PCED1B: variants seen among roughly 807,000 people sequenced by gnomAD.
PCED1B encodes the protein PC-esterase domain-containing protein 1B.
For missense variants in PCED1B, 573 were observed against 573.9 expected (o/e 1.00, Z 0.02); for synonymous variants, 251 against 246.1 (o/e 1.02, Z -0.19).
At chr12:47,209,815 GTAAAAT>G (rs1943022422) in intron 2 of PCED1B, 1 of 152,192 alleles carries the variant, frequency 6.6e-6, no homozygotes, top group Non-Finnish European at 1.5e-5. Context: ...ATGAAGGGAA[GTAAAAT>G]TATAAGATCT....
chr12:47,086,107 A>G (rs533309859), intron 1 of PCED1B, among the ~76,000 whole-genome samples: 1 of 152,214 alleles, frequency 6.6e-6, no homozygotes, highest in Admixed American at 6.5e-5. Context: ...AATTAGGCAC[A>G]TAATAGACAT....
In PCED1B at chr12:47,119,488, A is replaced by C. The variant is rs539337222; in HGVS notation, c.-526+15293A>C. On this transcript the variant is annotated intron_variant, in intron 2 of 3. Coordinates refer to ENST00000546455, the MANE Select transcript of PCED1B (RefSeq NM_138371.3). ...AGATGAGAGGATTGCTTGAGCTCAG[A>C]AGTTCAAGACCAGCCTGGACAACAT... is the stretch of plus-strand genomic sequence containing the variant. Among the ~76,000 whole-genome samples the C allele has an allele frequency of 2.2e-4, 33 of 151,746 alleles. No individual in the cohort carries two copies. In the South Asian group the frequency reaches 3.1e-3, roughly 14 times the overall value.
At chr12:47,175,867 C>T (rs933247356) in intron 2 of PCED1B, among the ~76,000 whole-genome samples, 12 of 151,512 alleles carry the variant, frequency 7.9e-5, no homozygotes, top group African/African-American at 2.4e-4. Context: ...TCACTGTGCC[C>T]GGCCTATTTA....
chr12:47,212,222 T>C (rs1216600130), intron 2 of PCED1B, among the ~76,000 whole-genome samples: 1 of 151,846 alleles, frequency 6.6e-6, no homozygotes, highest in African/African-American at 2.4e-5. Context: ...GAGGTTTCAG[T>C]GAGCTGAGAT....
chr12:47,223,155 G>A (rs74722840), intron 3 of PCED1B, among the ~76,000 whole-genome samples: 1 of 152,120 alleles, frequency 6.6e-6, no homozygotes, highest in Non-Finnish European at 1.5e-5. Context: ...GGAACTGCCA[G>A]AGAAAGAGAA....
intron 2 of PCED1B, among the ~76,000 whole-genome samples, chr12:47,179,825 A>G (rs958131495): frequency 2.0e-5 from 3 of 152,016 alleles, no homozygotes; most frequent in Non-Finnish European, 2.9e-5. Flanking sequence ...TTCTACTGAG[A>G]TTAAATTTTA....
chr12:47,098,809 T>C (rs1002401720), intron 1 of PCED1B, among the ~76,000 whole-genome samples: 3 of 151,824 alleles, frequency 2.0e-5, no homozygotes, highest in African/African-American at 7.3e-5. Flanking sequence ...GCAAAGAGAC[T>C]CAAAAGAGAG....
chr12:47,091,067 G>A (rs1938245658), intron 1 of PCED1B, among the ~76,000 whole-genome samples: 1 of 151,968 alleles, frequency 6.6e-6, no homozygotes, highest in South Asian at 2.1e-4. Context: ...CTTGAAATCT[G>A]TTTGATGGGT....
At chr12:47,221,098 G>A (rs1330065881) in intron 3 of PCED1B, among the ~76,000 whole-genome samples, 1 of 152,140 alleles carries the variant, frequency 6.6e-6, no homozygotes, top group Non-Finnish European at 1.5e-5. Flanking sequence ...TTTTATGTAA[G>A]AAAACATATA....
intron 2 of PCED1B, among the ~76,000 whole-genome samples, chr12:47,199,156 C>T (rs1290333294): frequency 2.0e-5 from 3 of 152,068 alleles, no homozygotes; most frequent in Non-Finnish European, 2.9e-5. Context: ...AAAAATAGAC[C>T]ATTCACATTT....
At chr12:47,114,971 C>T (rs754271498) in intron 2 of PCED1B, among the ~76,000 whole-genome samples, 25 of 152,210 alleles carry the variant, frequency 1.6e-4, no homozygotes, top group Non-Finnish European at 3.4e-4. Flanking sequence ...GTTTGAATTA[C>T]TCCAAAGTTG....
intron 2 of PCED1B, among the ~76,000 whole-genome samples, chr12:47,201,391 G>A (rs138324536): frequency 1.3e-5 from 2 of 152,212 alleles, no homozygotes; most frequent in African/African-American, 4.8e-5. Context: ...CACAAGTTAA[G>A]TCCTTGAGGA....
At chr12:47,135,745 A>G in intron 2 of PCED1B, 2 of 532,736 alleles carry the variant, frequency 3.8e-6, no homozygotes, top group South Asian at 2.8e-5. Context: ...TCGGGCACGG[A>G]GGTCTCACTG....
Position 47,235,253 on chromosome 12 carries a change from G to T in PCED1B, c.190G>T (p.Gly64Ter), listed in dbSNP as rs1943937638. 2 of 1,613,542 alleles carry T rather than the reference G, an allele frequency of 1.2e-6. No individual in the cohort carries two copies. The change falls in exon 4 of 4, where the codon GGA becomes TGA. Residue 64 changes from glycine to a stop codon, truncating the protein, a stop_gained. Transcript: ENST00000546455. LOFTEE classifies it low-confidence loss of function (END_TRUNC). ...LNFEQDELVDGGQRGHMHNGL... is the reference protein window; with the variant it reads ...LNFEQDELVD ...CTTCGAACAAGATGAGCTGGTGGAC[G>T]GAGGCCAGCGGGGCCACATGCACAA...
At chr12:47,129,658 T>A (rs1940042091) in intron 2 of PCED1B, among the ~76,000 whole-genome samples, 2 of 151,854 alleles carry the variant, frequency 1.3e-5, no homozygotes, top group African/African-American at 2.4e-5. Context: ...TCATGCCAGG[T>A]TATATAAATA....
At chr12:47,160,512 G>A (rs1381124384) in intron 2 of PCED1B, among the ~76,000 whole-genome samples, 1 of 151,592 alleles carries the variant, frequency 6.6e-6, no homozygotes, top group African/African-American at 2.4e-5. Context: ...CTTACTCATT[G>A]CTCAGGCTGG....
chr12:47,079,893 G>C (rs1391666255), intron 1 of PCED1B, 168 bp downstream of exon 1: 2 of 150,668 alleles, frequency 1.3e-5, no homozygotes, highest in Non-Finnish European at 3.0e-5. Context: ...GGGGCCGGGA[G>C]ACGGGCTGGG....
At chr12:47,219,670 T>C (rs1312577300) in intron 3 of PCED1B, among the ~76,000 whole-genome samples, 2 of 152,228 alleles carry the variant, frequency 1.3e-5, no homozygotes, top group African/African-American at 2.4e-5. Flanking sequence ...TCGAACTAAG[T>C]TATTTCACAC....
chr12:47,086,360 T>TAAAAAAAAAAAA (rs3045485), intron 1 of PCED1B, among the ~76,000 whole-genome samples: 1 of 95,508 alleles, frequency 1.0e-5, no homozygotes, highest in Non-Finnish European at 2.0e-5. Flanking sequence ...GTGCTTATGG[T>TAAAAAAAAAAAA]AAAAAAAAAA....
Sources: allele counts gnomAD v4.1 joint callset (sites outside exome capture counted in the v4.1 genomes callset), GRCh38; gene constraint gnomAD v4.1.1; transcripts MANE v1.5; gene names NCBI Gene and HGNC (gene_info 2026-07-23, HGNC 2026-07-21).